Variants in SLCO3A1 observed in about 807,000 individuals in gnomAD.
The protein encoded by SLCO3A1 is solute carrier organic anion transporter family member 3A1, also known as PGE1 transporter.
SLCO3A1 carries 27 observed loss-of-function variants against 63.1 expected under a neutral mutation model. That is an observed-to-expected ratio of 0.43 (90% CI 0.32 to 0.59). The LOEUF (loss-of-function observed/expected upper bound fraction) is 0.59. Ranked by LOEUF, SLCO3A1 falls within the 20% of genes least tolerant of loss-of-function variation. The probability of loss-of-function intolerance (pLI) is 0.09; values close to 1 mark genes in which losing one functional copy is unlikely to be tolerated. For synonymous variants in SLCO3A1, 473 were observed against 409.9 expected, an observed-to-expected ratio of 1.15 and a Z score of -1.86; for missense variants, 773 against 945.8, an observed-to-expected ratio of 0.82 and a Z score of 2.40.
intron 2 of SLCO3A1, among the ~76,000 whole-genome samples, chr15:91,960,928 TATCAG>T (rs1240027115): frequency 6.6e-6 from 1 of 152,218 alleles, no homozygotes; most frequent in African/African-American, 2.4e-5. Flanking sequence ...GCATTTTGGA[TATCAG>T]ATTTTTGGAT....
At chr15:91,944,929 A>G (rs903139132) in intron 2 of SLCO3A1, among the ~76,000 whole-genome samples, 1 of 152,116 alleles carries the variant, frequency 6.6e-6, no homozygotes, top group East Asian at 1.9e-4. Context: ...CCAAATTTCA[A>G]CTTTTCTCCA....
chr15:91,868,269 C>T (rs907743681), intron 1 of SLCO3A1, among the ~76,000 whole-genome samples: 11 of 150,672 alleles, frequency 7.3e-5, no homozygotes, highest in African/African-American at 2.7e-4. Flanking sequence ...CCAGGCTAGT[C>T]TCGAACTCCT....
intron 2 of SLCO3A1, among the ~76,000 whole-genome samples, chr15:91,934,149 T>C (rs7179389): frequency 0.75 from 113,739 of 152,036 alleles, 43,340 homozygotes; most frequent in East Asian, 0.91. Flanking sequence ...GTGTCTGTTC[T>C]TCTTACCTTG....
intron 2 of SLCO3A1, among the ~76,000 whole-genome samples, chr15:91,981,912 C>T (rs1026884485): frequency 6.6e-6 from 1 of 152,272 alleles, no homozygotes; most frequent in Non-Finnish European, 1.5e-5. Flanking sequence ...CATGGACCCT[C>T]AAAGCAGCTG....
chr15:91,957,181 G>C (rs1234704348), intron 2 of SLCO3A1, among the ~76,000 whole-genome samples: 6 of 102,276 alleles, frequency 5.9e-5, no homozygotes, highest in Non-Finnish European at 1.1e-4. Context: ...AGTAGAGACG[G>C]GGTTTTACTG....
chr15:91,954,885 G>A lies in SLCO3A1; in HGVS notation c.646+38427G>A, dbSNP rs1016346936. On this transcript the variant is annotated intron_variant, in intron 2 of 9. Transcript: ENST00000318445. This position sits in a 1 kb window ranked among gnomAD's most constrained non-coding sequence, Gnocchi z 4.7. ...TCTGCCACTGCCCAAGGGCTGGACAGCACCACCCCTCCTAATTCCTAGGAA... is the reference window on the plus strand; with the variant it reads ...TCTGCCACTGCCCAAGGGCTGGACAACACCACCCCTCCTAATTCCTAGGAA... Among the ~76,000 whole-genome samples the A allele has an allele frequency of 1.3e-5, 2 of 152,102 alleles. No individual in the cohort carries two copies. Among genetic ancestry groups the A allele is most frequent in the Admixed American group, 6.5e-5 (1 of 15,280 alleles).
chr15:92,107,913 G>A (rs2047685373), intron 4 of SLCO3A1, among the ~76,000 whole-genome samples: 1 of 152,230 alleles, frequency 6.6e-6, no homozygotes, highest in South Asian at 2.1e-4. Flanking sequence ...CACATATGGT[G>A]TCTGGTTTAG....
Position 91,917,117 on chromosome 15 carries a change from G to A in SLCO3A1, c.646+659G>A, listed in dbSNP as rs554610485. On this transcript the variant is annotated intron_variant, in intron 2 of 9. Transcript: ENST00000318445. Reference sequence around the variant, plus strand: ...AGTGGCAAGTTGTTTATTACGTGGCGGGCAGTGTTTTCAGTGGCTGCGGTG... The same window carrying A: ...AGTGGCAAGTTGTTTATTACGTGGCAGGCAGTGTTTTCAGTGGCTGCGGTG... Among the ~76,000 whole-genome samples, 60 of 152,258 alleles carry A rather than the reference G, an allele frequency of 3.9e-4. No homozygotes were observed. The South Asian group carries it at 0.012, about 30-fold the overall frequency.
intron 2 of SLCO3A1, among the ~76,000 whole-genome samples, chr15:92,052,473 A>C (rs549316731): frequency 6.6e-6 from 1 of 152,300 alleles, no homozygotes; most frequent in South Asian, 2.1e-4. Context: ...CATCCAGTCC[A>C]AATGCCAGGC....
chr15:92,058,582 T>C (rs2047049266), intron 2 of SLCO3A1, among the ~76,000 whole-genome samples: 1 of 152,146 alleles, frequency 6.6e-6, no homozygotes, highest in Non-Finnish European at 1.5e-5. Context: ...CCCATTCACG[T>C]AGGGACACCT....
chr15:92,169,598 CG>C (rs2048510880), downstream of SLCO3A1, among the ~76,000 whole-genome samples: 1 of 152,218 alleles, frequency 6.6e-6, no homozygotes, highest in East Asian at 1.9e-4. Context: ...TAGTGCATTC[CG>C]AAATGCACTA....
At chr15:92,074,784 G>T (rs532971544) in intron 2 of SLCO3A1, among the ~76,000 whole-genome samples, 1 of 151,752 alleles carries the variant, frequency 6.6e-6, no homozygotes. Flanking sequence ...AGGGCGGTGG[G>T]GGGTGGCCAG....
At chr15:92,036,004 C>T (rs1299198249) in intron 2 of SLCO3A1, among the ~76,000 whole-genome samples, 1 of 146,920 alleles carries the variant, frequency 6.8e-6, no homozygotes, top group Non-Finnish European at 1.6e-5. Flanking sequence ...TCTGCCAAAA[C>T]ACTGTCTCTT....
At chr15:92,140,862 C>T (rs750606549) in intron 7 of SLCO3A1, among the ~76,000 whole-genome samples, 1 of 152,100 alleles carries the variant, frequency 6.6e-6, no homozygotes, top group East Asian at 1.9e-4. Context: ...TTATTTTGAG[C>T]CTATGTGCAA....
At chr15:92,062,207 G>C (rs983056992) in intron 2 of SLCO3A1, among the ~76,000 whole-genome samples, 2 of 152,186 alleles carry the variant, frequency 1.3e-5, no homozygotes, top group African/African-American at 4.8e-5. Flanking sequence ...ATTCTGTTCC[G>C]GGAAGGGTTT....
chr15:91,968,008 C>T lies in SLCO3A1; in HGVS notation c.646+51550C>T, dbSNP rs1900720945. The stretch of plus-strand genomic sequence containing the variant: ...GCTTTGAAATGTCCCTATCTTCCTT[C>T]CCTTCTGATTGCCTTACTTGTTCAG... On this transcript the variant is annotated intron_variant, in intron 2 of 9. Transcript: ENST00000318445. The surrounding 1 kb of genome is among the most constrained non-coding windows in gnomAD (Gnocchi z 4.2). 6.6e-6 allele frequency among the ~76,000 whole-genome samples: 1 copy of T among 152,162 alleles called. No homozygotes were observed. The highest frequency in any genetic ancestry group is 2.1e-4 in the South Asian group (1 of 4,832).
intron 2 of SLCO3A1, among the ~76,000 whole-genome samples, chr15:91,989,010 G>A (rs1162083690): frequency 6.6e-6 from 1 of 152,120 alleles, no homozygotes; most frequent in Non-Finnish European, 1.5e-5. Flanking sequence ...GTGTCTCCTT[G>A]TGGGGATATC....
At chr15:91,979,005 A>G (rs915341211) in intron 2 of SLCO3A1, among the ~76,000 whole-genome samples, 5 of 152,306 alleles carry the variant, frequency 3.3e-5, no homozygotes, top group African/African-American at 1.2e-4. Flanking sequence ...TGCCATTCTC[A>G]ATTCTCTTCA....
At position 92,050,128 on chromosome 15, in the gene SLCO3A1, A is replaced by G. The variant is rs566520671; in HGVS notation, c.647-44753A>G. Among the ~76,000 whole-genome samples the G allele has an allele frequency of 2.0e-5, 3 of 152,314 alleles. No individual in the cohort carries two copies. In the South Asian group the frequency reaches 6.2e-4, roughly 32 times the overall value. ...CACACTTAGGTGACTGTCACAAACA[A>G]ATAAGCATGGCCTTTAGCTTCTGGT... On this transcript the variant is annotated intron_variant, in intron 2 of 9. Coordinates refer to ENST00000318445, the MANE Select transcript of SLCO3A1 (RefSeq NM_013272.4).
Sources: allele counts gnomAD v4.1 joint callset (sites outside exome capture counted in the v4.1 genomes callset), GRCh38; gene constraint gnomAD v4.1.1; non-coding constraint Gnocchi (gnomAD v3.1); transcripts MANE v1.5; gene names NCBI Gene and HGNC (gene_info 2026-07-23, HGNC 2026-07-21).